The following PEAK1 variants were observed in gnomAD, a reference collection of about 807,000 sequenced individuals.
PEAK1 encodes inactive tyrosine-protein kinase PEAK1.
Under a neutral mutation model 124.7 loss-of-function variants are expected in PEAK1, and 54 were observed. The ratio of observed to expected loss-of-function variants is 0.43; its 90% CI spans 0.35 to 0.54. The LOEUF (loss-of-function observed/expected upper bound fraction) is 0.54, where lower values mean the gene tolerates loss of function less well. Among genes scored for constraint, PEAK1 ranks in the 20% least tolerant of loss-of-function variants. The pLI is 0.01. For synonymous variants in PEAK1, 719 were observed against 760.0 expected (o/e 0.95, Z 0.89); for missense variants, 2,046 against 2,134.5 (o/e 0.96, Z 0.82).
chr15:77,324,046 T>C (rs867646488), intron 2 of PEAK1, among the ~76,000 whole-genome samples: 1 of 152,238 alleles, frequency 6.6e-6, no homozygotes, highest in Admixed American at 6.5e-5. Context: ...GGATTCCCTA[T>C]TTAACAAAGT....
At chr15:77,371,515 AC>A (rs2141687332) in intron 1 of PEAK1, 1 of 570,112 alleles carries the variant, frequency 1.8e-6, no homozygotes, top group Non-Finnish European at 2.0e-6. Context: ...ACATACCACC[AC>A]CACCACCACC....
intron 7 of PEAK1, among the ~76,000 whole-genome samples, chr15:77,161,687 A>G (rs1363348517): frequency 6.6e-6 from 1 of 152,084 alleles, no homozygotes; most frequent in East Asian, 1.9e-4. Context: ...AAAATGATAA[A>G]AGAGGCCAGG....
chr15:77,275,700 T>A (rs1222748745), intron 5 of PEAK1, among the ~76,000 whole-genome samples: 1 of 151,236 alleles, frequency 6.6e-6, no homozygotes, highest in Non-Finnish European at 1.5e-5. Context: ...ACAGTGAGAC[T>A]CTGTCTCAAA....
chr15:77,233,489 C>T (rs960080990), intron 6 of PEAK1, among the ~76,000 whole-genome samples: 4 of 152,154 alleles, frequency 2.6e-5, no homozygotes, highest in Non-Finnish European at 5.9e-5. Flanking sequence ...TTGTCCAGTT[C>T]CATCTTAGCC....
intron 8 of PEAK1, among the ~76,000 whole-genome samples, chr15:77,135,918 A>G (rs577599947): frequency 8.5e-5 from 13 of 152,308 alleles, no homozygotes; most frequent in African/African-American, 3.1e-4. Flanking sequence ...ATGGACTAAT[A>G]CAGTAAATTG....
intron 2 of PEAK1, among the ~76,000 whole-genome samples, chr15:77,324,250 G>C (rs919538456): frequency 6.6e-6 from 1 of 152,196 alleles, no homozygotes; most frequent in Non-Finnish European, 1.5e-5. Context: ...GGCTGAGGCG[G>C]GTAAATCACT....
intron 1 of PEAK1, among the ~76,000 whole-genome samples, chr15:77,416,901 CACTTTTT>C (rs1209714366): frequency 6.6e-6 from 1 of 152,120 alleles, no homozygotes; most frequent in African/African-American, 2.4e-5. Context: ...AAATTAATTT[CACTTTTT>C]ACTTTTTAAA....
At chr15:77,345,281 A>T (rs971238586) in intron 2 of PEAK1, among the ~76,000 whole-genome samples, 4 of 152,178 alleles carry the variant, frequency 2.6e-5, no homozygotes, top group African/African-American at 9.6e-5. Flanking sequence ...TTTTTTCCGC[A>T]TCTATTGAGA....
intron 7 of PEAK1, among the ~76,000 whole-genome samples, chr15:77,168,908 A>G (rs2056314260): frequency 6.6e-6 from 1 of 152,198 alleles, no homozygotes; most frequent in Non-Finnish European, 1.5e-5. Context: ...TCCCAGATGT[A>G]CATGCCGGGG....
intron 1 of PEAK1, among the ~76,000 whole-genome samples, chr15:77,377,313 G>A (rs1371493510): frequency 3.3e-5 from 5 of 152,198 alleles, no homozygotes; most frequent in Non-Finnish European, 7.3e-5. Flanking sequence ...AAGCCAGAAA[G>A]GTGGAGTCTG....
chr15:77,396,269 C>CA (rs1421223463), intron 1 of PEAK1, among the ~76,000 whole-genome samples: 4 of 151,514 alleles, frequency 2.6e-5, no homozygotes, highest in African/African-American at 7.3e-5. Context: ...AACAAATACA[C>CA]AAAAAATTAA....
intron 1 of PEAK1, among the ~76,000 whole-genome samples, chr15:77,405,802 A>G (rs889853867): frequency 2.0e-5 from 3 of 152,086 alleles, no homozygotes; most frequent in Non-Finnish European, 4.4e-5. Flanking sequence ...TTATTTATAT[A>G]TATTTAATTT....
intron 1 of PEAK1, among the ~76,000 whole-genome samples, chr15:77,388,197 AAAAT>A (rs2070126190): frequency 1.3e-5 from 2 of 152,172 alleles, no homozygotes; most frequent in African/African-American, 4.8e-5. Flanking sequence ...CTGTCTCAAA[AAAAT>A]AAAAACAACT....
chr15:77,352,497 G>C, intron 2 of PEAK1: 1 of 984,896 alleles, frequency 1.0e-6, no homozygotes, highest in Non-Finnish European at 1.2e-6. Context: ...GAGAGAGCCT[G>C]GACATTTTGC....
At chr15:77,420,726 A>C (rs913745589), upstream of PEAK1, 12 of 396,228 alleles carry the variant, frequency 3.0e-5, no homozygotes, top group African/African-American at 2.3e-4. Context: ...TAATCCCTTC[A>C]TTTTTGTGAA....
At chr15:77,169,598 AC>A (rs1376798693) in intron 7 of PEAK1, among the ~76,000 whole-genome samples, 1 of 152,234 alleles carries the variant, frequency 6.6e-6, no homozygotes, top group Non-Finnish European at 1.5e-5. Context: ...TGAAGAGGGT[AC>A]TTGGCTGTTC....
intron 2 of PEAK1, among the ~76,000 whole-genome samples, chr15:77,298,814 CA>C (rs2063644021): frequency 6.6e-6 from 1 of 152,092 alleles, no homozygotes. Context: ...TCTACACCTC[CA>C]AAAAACTGTC....
chr15:77,298,192 CCTT>C (rs2063598875), intron 2 of PEAK1, among the ~76,000 whole-genome samples: 5 of 91,656 alleles, frequency 5.5e-5, no homozygotes, highest in African/African-American at 2.4e-4. Flanking sequence ...TGTTTGGTAT[CCTT>C]AATTTTTTTT....
intron 6 of PEAK1, among the ~76,000 whole-genome samples, chr15:77,189,413 A>G (rs1034820209): frequency 6.6e-6 from 1 of 151,902 alleles, no homozygotes; most frequent in African/African-American, 2.4e-5. Context: ...AAACATAAAC[A>G]TGGCAGTGTC....
Sources: allele counts gnomAD v4.1 joint callset (sites outside exome capture counted in the v4.1 genomes callset), GRCh38; gene constraint gnomAD v4.1.1; transcripts MANE v1.5; gene names NCBI Gene and HGNC (gene_info 2026-07-23, HGNC 2026-07-21).